Variants in DCC observed in about 807,000 individuals in gnomAD.
The protein encoded by DCC is DCC netrin 1 receptor.
Under a neutral mutation model 172.5 loss-of-function variants are expected in DCC, and 58 were observed. That is an observed-to-expected ratio of 0.34 (90% CI 0.27 to 0.42). The LOEUF is 0.42. Ranked by LOEUF, DCC falls within the 10% of genes least tolerant of loss-of-function variation. DCC has a pLI of 1.00. For missense variants in DCC, 1,740 were observed against 1,791.0 expected (o/e 0.97, Z 0.51); for synonymous variants, 709 against 644.5 (o/e 1.10, Z -1.52).
In DCC at chr18:53,328,588, G is replaced by A. The variant is rs551992358; in HGVS notation, c.2164+6431G>A. ...CTGGCTCTGTCACCAAGGCTGGAGT[G>A]CAATGGTGTGATCTCGGCTCACTGC... On this transcript the variant is annotated intron_variant, in intron 14 of 28. Transcript: ENST00000442544. Among the ~76,000 whole-genome samples the A allele has an allele frequency of 2.6e-5, 4 of 152,236 alleles. No individual in the cohort carries two copies. In the South Asian group the frequency reaches 8.3e-4, roughly 32 times the overall value.
Position 53,036,888 on chromosome 18 carries a change from T to C in DCC, c.986-26417T>C, listed in dbSNP as rs775784746. Among the ~76,000 whole-genome samples, 6 of 151,946 alleles carry C rather than the reference T, an allele frequency of 3.9e-5. No homozygotes were observed. In the East Asian group the frequency reaches 5.8e-4, roughly 15 times the overall value. ...GCATTGCTTTCCATCCTGGGTACAA[T>C]TGAATCCTTCAGCCCCTTAGAAAGA... On this transcript the variant is annotated intron_variant, in intron 5 of 28. Coordinates refer to ENST00000442544, the MANE Select transcript of DCC (RefSeq NM_005215.4).
At chr18:52,617,557 A>T (rs2034406798) in intron 1 of DCC, among the ~76,000 whole-genome samples, 1 of 152,134 alleles carries the variant, frequency 6.6e-6, no homozygotes, top group African/African-American at 2.4e-5. Context: ...TTGATTCCCA[A>T]GGTGAACCTT....
rs186660175 is a variant in DCC, at chr18:52,666,199, C to G, written c.92-85855C>G. Among the ~76,000 whole-genome samples, 4 of 152,178 alleles carry G rather than the reference C, an allele frequency of 2.6e-5. No individual in the cohort carries two copies. The East Asian group carries it at 7.7e-4, about 29-fold the overall frequency. ...TCGCAGCTACTCGGTGGAGCTGAGA[C>G]AGGCGAGTTGCTTGAACCCAGGAGG... On this transcript the variant is annotated intron_variant, in intron 1 of 28. Transcript: ENST00000442544.
Position 53,402,782 on chromosome 18 carries a change from A to C in DCC, c.2828-4A>C. On this transcript the variant is annotated splice_polypyrimidine_tract_variant and splice_region_variant and intron_variant, in intron 18 of 28. Transcript: ENST00000442544. The stretch of plus-strand genomic sequence containing the variant: ...CAAGGCCTTATCTCTGTCTCACCTC[A>C]CAGCCCCCACCTCTGCTCCCAAGGA... 1 of 1,609,792 alleles carries C rather than the reference A, an allele frequency of 6.2e-7. No individual in the cohort carries two copies. The highest frequency in any genetic ancestry group is 8.5e-7 in the Non-Finnish European group (1 of 1,176,180).
At chr18:53,174,521 A>G (rs1292890748) in intron 8 of DCC, among the ~76,000 whole-genome samples, 1 of 149,800 alleles carries the variant, frequency 6.7e-6, no homozygotes, top group African/African-American at 2.5e-5. Context: ...AGAAATACAA[A>G]CTACCATCAG....
chr18:52,896,378 C>T (rs1384163156), intron 2 of DCC, among the ~76,000 whole-genome samples: 1 of 152,176 alleles, frequency 6.6e-6, no homozygotes, highest in Non-Finnish European at 1.5e-5. Flanking sequence ...TTAATGCATA[C>T]TCACAGTTAA....
At chr18:53,272,680 T>C (rs1417154877) in intron 12 of DCC, among the ~76,000 whole-genome samples, 6 of 152,148 alleles carry the variant, frequency 3.9e-5, no homozygotes, top group Non-Finnish European at 8.8e-5. Flanking sequence ...CACAGAGTTG[T>C]AAGCATTGCA....
intron 2 of DCC, among the ~76,000 whole-genome samples, chr18:52,771,077 T>G (rs1568092434): frequency 1.3e-5 from 2 of 152,164 alleles, no homozygotes. Flanking sequence ...AGAAAGCAGT[T>G]TTCCAATGCT....
intron 7 of DCC, among the ~76,000 whole-genome samples, chr18:53,140,708 T>G (rs181540382): frequency 6.6e-5 from 10 of 152,170 alleles, no homozygotes; most frequent in Admixed American, 2.6e-4. Context: ...GTATAAAGAC[T>G]AATATATGCT....
intron 12 of DCC, among the ~76,000 whole-genome samples, chr18:53,290,684 A>G (rs1390089213): frequency 6.6e-6 from 1 of 152,058 alleles, no homozygotes; most frequent in African/African-American, 2.4e-5. Context: ...TTCCTTATTT[A>G]CTATAGACCC....
intron 12 of DCC, among the ~76,000 whole-genome samples, chr18:53,255,979 T>A (rs1320249795): frequency 6.6e-6 from 1 of 152,202 alleles, no homozygotes; most frequent in Non-Finnish European, 1.5e-5. Flanking sequence ...ATGAGCATTT[T>A]TTCATGTGTC....
At chr18:52,756,564 A>G (rs992516543) in intron 2 of DCC, among the ~76,000 whole-genome samples, 1 of 152,256 alleles carries the variant, frequency 6.6e-6, no homozygotes, top group Admixed American at 6.5e-5. Flanking sequence ...TTAATTAACT[A>G]TTGAAAACTT....
intron 1 of DCC, among the ~76,000 whole-genome samples, chr18:52,356,788 A>ATTTTT (rs35219447): frequency 6.7e-6 from 1 of 148,830 alleles, no homozygotes. Flanking sequence ...AACCTAAATC[A>ATTTTT]TTTTTTTTTT....
intron 1 of DCC, among the ~76,000 whole-genome samples, chr18:52,675,990 A>T (rs1378046995): frequency 1.3e-5 from 2 of 152,222 alleles, no homozygotes; most frequent in Non-Finnish European, 1.5e-5. Context: ...AATTATCTGT[A>T]AAATGAGAAT....
At chr18:52,647,002 C>A (rs765210343) in intron 1 of DCC, among the ~76,000 whole-genome samples, 3 of 152,174 alleles carry the variant, frequency 2.0e-5, no homozygotes, top group Non-Finnish European at 4.4e-5. Flanking sequence ...TAATGAATAA[C>A]AAAAGACAGT....
chr18:53,100,620 G>A (rs1311084119), intron 7 of DCC, among the ~76,000 whole-genome samples: 1 of 151,658 alleles, frequency 6.6e-6, no homozygotes, highest in Admixed American at 6.6e-5. Context: ...AAGGAAGGGA[G>A]GTGGGGAAGA....
At chr18:53,134,078 A>G (rs767443090) in intron 7 of DCC, among the ~76,000 whole-genome samples, 14 of 152,176 alleles carry the variant, frequency 9.2e-5, no homozygotes, top group Non-Finnish European at 1.8e-4. Context: ...AGTCATACTC[A>G]TGACTGCAAA....
intron 7 of DCC, among the ~76,000 whole-genome samples, chr18:53,145,466 C>G (rs1303858053): frequency 6.6e-6 from 1 of 152,172 alleles, no homozygotes; most frequent in Non-Finnish European, 1.5e-5. Context: ...CTGAAGGGAG[C>G]TGTCTTGCCC....
At chr18:53,457,284 C>T (rs979228095) in intron 23 of DCC, among the ~76,000 whole-genome samples, 8 of 152,160 alleles carry the variant, frequency 5.3e-5, no homozygotes, top group Non-Finnish European at 1.0e-4. Flanking sequence ...ATCTGGGGCT[C>T]GTTGGTACTG....
Sources: allele counts gnomAD v4.1 joint callset (sites outside exome capture counted in the v4.1 genomes callset), GRCh38; gene constraint gnomAD v4.1.1; transcripts MANE v1.5; gene names NCBI Gene and HGNC (gene_info 2026-07-23, HGNC 2026-07-21).